KALRN: variants seen among roughly 807,000 people sequenced by gnomAD.
KALRN encodes kalirin RhoGEF kinase, also known as kalirin.
Under a neutral mutation model 353.7 loss-of-function variants are expected in KALRN, and 70 were observed. That is an observed-to-expected ratio of 0.20 (90% confidence interval 0.16 to 0.24). KALRN has a LOEUF of 0.24. KALRN is among the 10% of genes least tolerant of loss of function. KALRN has a pLI of 1.00. For synonymous variants in KALRN, 1,391 were observed against 1,434.8 expected (o/e 0.97, Z 0.69); for missense variants, 2,791 against 3,756.7 (o/e 0.74, Z 6.72).
intron 33 of KALRN, among the ~76,000 whole-genome samples, chr3:124,547,212 C>G (rs1383491780): frequency 6.6e-6 from 1 of 152,172 alleles, no homozygotes; most frequent in South Asian, 2.1e-4. Context: ...GTTGCCCAGG[C>G]TGGCCTCGAA....
At chr3:124,314,685 C>T (rs1042574598) in intron 6 of KALRN, among the ~76,000 whole-genome samples, 2 of 152,128 alleles carry the variant, frequency 1.3e-5, no homozygotes, top group African/African-American at 4.8e-5. Flanking sequence ...GAGAAAGGAT[C>T]TGGTTCTGTC....
At chr3:124,213,490 C>T (rs769743367) in intron 1 of KALRN, among the ~76,000 whole-genome samples, 1 of 152,032 alleles carries the variant, frequency 6.6e-6, no homozygotes, top group African/African-American at 2.4e-5. Context: ...AAGCCCAACC[C>T]ATTATTTATC....
chr3:124,647,121 C>T (rs1660032), intron 37 of KALRN, among the ~76,000 whole-genome samples: 11,351 of 151,898 alleles, frequency 0.075, 681 homozygotes, highest in African/African-American at 0.17. Context: ...TGCCCAGGCT[C>T]GGTTCAAACT....
At chr3:124,068,832 C>T (rs1416179248) in intron 1 of KALRN, among the ~76,000 whole-genome samples, 2 of 152,068 alleles carry the variant, frequency 1.3e-5, no homozygotes, top group Non-Finnish European at 1.5e-5. Context: ...AAGAAGAGCC[C>T]GCACTGAGTG....
intron 56 of KALRN, 109 bp from the exon 57 acceptor site, chr3:124,701,929 T>G: frequency 1.3e-6 from 1 of 762,046 alleles, no homozygotes; most frequent in Non-Finnish European, 2.3e-6. Flanking sequence ...AGACTCCATA[T>G]TTGGTCATGA....
intron 1 of KALRN, among the ~76,000 whole-genome samples, chr3:124,175,687 G>A (rs1260611818): frequency 1.3e-5 from 2 of 151,832 alleles, no homozygotes; most frequent in Admixed American, 6.6e-5. Flanking sequence ...GGAGATGTGC[G>A]CTGCCCAGGG....
intron 28 of KALRN, among the ~76,000 whole-genome samples, chr3:124,487,791 G>A (rs1345735317): frequency 1.3e-5 from 2 of 152,092 alleles, no homozygotes; most frequent in African/African-American, 4.8e-5. Flanking sequence ...TTTGGGTACT[G>A]CATAGCACAC....
At chr3:124,242,167 G>A (rs892948629) in intron 3 of KALRN, among the ~76,000 whole-genome samples, 8 of 152,192 alleles carry the variant, frequency 5.3e-5, no homozygotes, top group Admixed American at 4.6e-4. Flanking sequence ...AAGATGAAAT[G>A]GAAGAGAAGG....
chr3:124,346,404 G>C (rs1265528117), intron 9 of KALRN, among the ~76,000 whole-genome samples: 1 of 152,068 alleles, frequency 6.6e-6, no homozygotes, highest in East Asian at 1.9e-4. Context: ...TAAATATCAA[G>C]GAAACTGTCT....
rs139954729 is a variant in KALRN at position 124,462,620 on chromosome 3, G to A, written c.4018G>A (p.Asp1340Asn). 75 of 1,600,826 alleles carry A rather than the reference G, an allele frequency of 4.7e-5. No homozygotes were observed. Among genetic ancestry groups the A allele is most frequent in the Non-Finnish European group, 5.7e-5 (67 of 1,168,258 alleles). ...CTTTGGCAACATCCAAGAGATCTAC[G>A]ATTTCCATAACAAGTAGGTTTGTGG... ...IIFGNIQEIY[D>N]FHNNIFLKEL... Residue 1340 changes from aspartate to asparagine, a missense_variant, in exon 25 of 60, where the codon GAT becomes AAT. Physicochemically the swap from Asp to Asn is conservative, Grantham distance 23. Around this residue, in one of 11 missense-constraint regions of KALRN, gnomAD observed 268 missense variants for 347.0 expected, o/e 0.77. Transcript: ENST00000682506.
intron 1 of KALRN, among the ~76,000 whole-genome samples, chr3:124,110,471 A>ACACG (rs1161011602): frequency 1.5e-5 from 1 of 64,794 alleles, no homozygotes; most frequent in African/African-American, 4.4e-5. Context: ...ACACGCGCGC[A>ACACG]CACACACACA....
Position 124,625,789 on chromosome 3 carries a change from A to G in KALRN, c.5183-6631A>G, listed in dbSNP as rs141752173. On this transcript the variant is annotated intron_variant, in intron 34 of 59. Transcript: ENST00000682506. The stretch of plus-strand genomic sequence containing the variant: ...GCCTATGAAAGAATATTATTCAACA[A>G]TTAACATGAGGCTGGGCACGGTGGC... Among the ~76,000 whole-genome samples, 89 of 152,276 alleles carry G rather than the reference A, an allele frequency of 5.8e-4. 1 individual carries two copies. In the East Asian group the frequency reaches 0.016, roughly 28 times the overall value.
chr3:124,259,648 C>T (rs1433691681), intron 3 of KALRN, among the ~76,000 whole-genome samples: 1 of 152,184 alleles, frequency 6.6e-6, no homozygotes, highest in South Asian at 2.1e-4. Context: ...GCCTCCCCTT[C>T]CTTGTTTGCA....
Position 124,256,233 on chromosome 3 carries a change from G to A in KALRN, c.264-8265G>A, listed in dbSNP as rs145307521. On this transcript the variant is annotated intron_variant, in intron 3 of 59. Transcript: ENST00000682506. ...AGGCCAAACTGTAATGTAGGACAAA[G>A]CTTGGCCTGGGGTTGTCATTGACAG... Among the ~76,000 whole-genome samples the A allele has an allele frequency of 3.2e-3, 486 of 152,322 alleles. 2 individuals are homozygous for A. The highest frequency in any genetic ancestry group is 9.9e-3 in the African/African-American group (411 of 41,566).
At chr3:124,235,188 A>G (rs2079605066) in intron 3 of KALRN, among the ~76,000 whole-genome samples, 1 of 152,218 alleles carries the variant, frequency 6.6e-6, no homozygotes, top group South Asian at 2.1e-4. Flanking sequence ...TCACTCAGCT[A>G]CAGGAAACAC....
chr3:124,286,489 G>A (rs1044935759), intron 5 of KALRN, among the ~76,000 whole-genome samples: 4 of 152,082 alleles, frequency 2.6e-5, no homozygotes, highest in Non-Finnish European at 5.9e-5. Context: ...CTGACCTTGT[G>A]ATCTGTCTGC....
intron 1 of KALRN, among the ~76,000 whole-genome samples, chr3:124,037,979 G>A (rs932396667): frequency 6.6e-6 from 1 of 152,160 alleles, no homozygotes; most frequent in African/African-American, 2.4e-5. Context: ...TGGAAATGTG[G>A]GACTCAAGAC....
chr3:124,354,469 A>G (rs755773819), intron 10 of KALRN, among the ~76,000 whole-genome samples: 1 of 152,192 alleles, frequency 6.6e-6, no homozygotes, highest in Non-Finnish European at 1.5e-5. Context: ...GATGATCTAT[A>G]TAGAAAGATT....
chr3:124,038,829 T>C (rs1216613240), intron 1 of KALRN, among the ~76,000 whole-genome samples: 1 of 152,214 alleles, frequency 6.6e-6, no homozygotes, highest in Admixed American at 6.5e-5. Flanking sequence ...ACCTTCACTC[T>C]CCCAGTCATG....
Sources: allele counts gnomAD v4.1 joint callset (sites outside exome capture counted in the v4.1 genomes callset), GRCh38; gene constraint gnomAD v4.1.1; regional missense constraint gnomAD v4.1.1; transcripts MANE v1.5; gene names NCBI Gene and HGNC (gene_info 2026-07-23, HGNC 2026-07-21).